Variants in CDC42BPB observed in about 807,000 individuals in gnomAD.
The protein encoded by CDC42BPB is serine/threonine-protein kinase MRCK beta.
Under a neutral mutation model 214.9 loss-of-function variants are expected in CDC42BPB, and 37 were observed. That is an observed-to-expected ratio of 0.17 (90% CI 0.13 to 0.23). CDC42BPB has a LOEUF of 0.23. Ranked by LOEUF, CDC42BPB falls within the 10% of genes least tolerant of loss-of-function variation. CDC42BPB has a pLI of 1.00. For synonymous variants in CDC42BPB, 931 were observed against 884.0 expected, an observed-to-expected ratio of 1.05 and a Z score of -0.94; for missense variants, 1,694 against 2,227.0, an observed-to-expected ratio of 0.76 and a Z score of 4.82.
chr14:103,035,610 G>A (rs562380594), intron 1 of CDC42BPB, among the ~76,000 whole-genome samples: 5 of 152,186 alleles, frequency 3.3e-5, no homozygotes, highest in South Asian at 2.1e-4. Context: ...GGAGGCCAAG[G>A]TGGGTGGATC....
At chr14:103,056,434 C>A (rs1295811833) in intron 1 of CDC42BPB, among the ~76,000 whole-genome samples, 1 of 152,120 alleles carries the variant, frequency 6.6e-6, no homozygotes, top group Non-Finnish European at 1.5e-5. Context: ...CCTGGGGATG[C>A]AAGGGGGTCC....
chr14:102,938,590 G>C (rs771199012), intron 34 of CDC42BPB, 179 bp from the exon 35 acceptor site: 16 of 978,638 alleles, frequency 1.6e-5, no homozygotes, highest in Non-Finnish European at 1.9e-5. Flanking sequence ...ACTGGCAATA[G>C]CAACTTCAGG....
chr14:102,974,346 G>A (rs1198525415), intron 11 of CDC42BPB, 197 bp from the exon 12 acceptor site: 4 of 983,068 alleles, frequency 4.1e-6, no homozygotes, highest in African/African-American at 3.6e-5. Flanking sequence ...CTACCTGCAT[G>A]CCTGTGCTGA....
intron 5 of CDC42BPB, among the ~76,000 whole-genome samples, chr14:102,999,292 G>A (rs879876328): frequency 9.3e-4 from 141 of 152,218 alleles, no homozygotes; most frequent in African/African-American, 1.8e-3. Context: ...GGTCTCAGAC[G>A]GGGAGAAGTT....
At chr14:103,036,964 C>CA (rs962700926) in intron 1 of CDC42BPB, among the ~76,000 whole-genome samples, 2 of 152,022 alleles carry the variant, frequency 1.3e-5, no homozygotes, top group Non-Finnish European at 2.9e-5. Context: ...CACAGGCCCA[C>CA]ACCACCACGT....
chr14:102,981,948 C>T (rs1021506025), intron 7 of CDC42BPB, among the ~76,000 whole-genome samples: 2 of 152,178 alleles, frequency 1.3e-5, no homozygotes, highest in African/African-American at 4.8e-5. Flanking sequence ...GGCCACACAC[C>T]CTCATGGTAG....
Position 102,966,394 on chromosome 14 carries a change from G to A in CDC42BPB, c.2472-7C>T, listed in dbSNP as rs758844492. 33 of 1,612,870 alleles carry A rather than the reference G, an allele frequency of 2.0e-5. No homozygotes were observed. The South Asian group carries it at 3.6e-4, about 18-fold the overall frequency. On this transcript the variant is annotated splice_polypyrimidine_tract_variant and splice_region_variant and intron_variant, in intron 17 of 36. Transcript: ENST00000361246. ...ATCTTTCTCGTCACTGACCCTGGAG[G>A]AGGGAACAGATGTTCTATCTCACGA... is the stretch of plus-strand genomic sequence containing the variant.
chr14:103,021,383 G>A (rs902461917), intron 1 of CDC42BPB, among the ~76,000 whole-genome samples: 2 of 151,456 alleles, frequency 1.3e-5, no homozygotes, highest in Admixed American at 6.6e-5. Context: ...GGAGAATGGC[G>A]TGAACCTGGG....
intron 24 of CDC42BPB, among the ~76,000 whole-genome samples, chr14:102,951,360 C>A (rs1317445330): frequency 6.6e-6 from 1 of 152,224 alleles, no homozygotes; most frequent in Non-Finnish European, 1.5e-5. Flanking sequence ...AGAGCCAGTG[C>A]GAGTCTGGGC....
At chr14:102,954,863 C>A (rs563785705) in intron 21 of CDC42BPB, 175 bp from the exon 22 acceptor site, 6 of 980,244 alleles carry the variant, frequency 6.1e-6, no homozygotes, top group Admixed American at 1.2e-4. Flanking sequence ...CTGCTCCACT[C>A]CCAGCTGGCC....
At position 103,021,398 on chromosome 14, in the gene CDC42BPB, G is replaced by A. The variant is rs181160112; in HGVS notation, c.176-9210C>T. On this transcript the variant is annotated intron_variant, in intron 1 of 36. Transcript: ENST00000361246. Reference sequence around the variant, plus strand: ...GGAGAATGGCGTGAACCTGGGAGGCGGAGCTTGCAGTGAGCTGAGATCGCG... The same window carrying A: ...GGAGAATGGCGTGAACCTGGGAGGCAGAGCTTGCAGTGAGCTGAGATCGCG... 7.6e-3 allele frequency among the ~76,000 whole-genome samples: 1,159 copies of A among 152,108 alleles called. 22 individuals are homozygous for A. The highest frequency in any genetic ancestry group is 0.027 in the African/African-American group (1,105 of 41,492).
intron 1 of CDC42BPB, among the ~76,000 whole-genome samples, chr14:103,026,642 T>G (rs2403110): frequency 0.11 from 16,941 of 151,980 alleles, 1,111 homozygotes; most frequent in African/African-American, 0.17. Flanking sequence ...GGTGGGCAGA[T>G]CACAAGGTCA....
intron 4 of CDC42BPB, among the ~76,000 whole-genome samples, chr14:103,002,136 C>T (rs1263185906): frequency 6.6e-6 from 1 of 152,172 alleles, no homozygotes; most frequent in Non-Finnish European, 1.5e-5. Flanking sequence ...GTTTCCATAT[C>T]GCTATGAGAG....
At chr14:102,938,533 A>G in intron 34 of CDC42BPB, 122 bp from the exon 35 acceptor site, 1 of 1,435,898 alleles carries the variant, frequency 7.0e-7, no homozygotes, top group Non-Finnish European at 9.1e-7. Context: ...GGGGGCCAAG[A>G]GGGCTCTCTG....
intron 3 of CDC42BPB, among the ~76,000 whole-genome samples, chr14:103,005,690 C>T (rs781774328): frequency 1.3e-5 from 2 of 151,666 alleles, no homozygotes; most frequent in African/African-American, 4.9e-5. Context: ...GAGTGAGACC[C>T]TGTCTCTAAA....
intron 6 of CDC42BPB, chr14:102,983,972 T>C (rs1450112246): frequency 2.4e-6 from 2 of 840,976 alleles, no homozygotes; most frequent in African/African-American, 3.7e-5. Flanking sequence ...GGAGAACCGC[T>C]TGAGCCCAGG....
At chr14:103,041,999 C>T in intron 1 of CDC42BPB, 1 of 318,228 alleles carries the variant, frequency 3.1e-6, no homozygotes, top group South Asian at 3.1e-5. Flanking sequence ...AAAGCCTTCG[C>T]TAGTCTCCAC....
chr14:102,984,820 A>C (rs1318603637), intron 6 of CDC42BPB, among the ~76,000 whole-genome samples: 1 of 152,216 alleles, frequency 6.6e-6, no homozygotes, highest in African/African-American at 2.4e-5. Context: ...GCAGCACCCC[A>C]GAGCCAGTGG....
At chr14:102,975,323 A>C (rs901687624) in intron 11 of CDC42BPB, among the ~76,000 whole-genome samples, 4 of 152,230 alleles carry the variant, frequency 2.6e-5, no homozygotes, top group African/African-American at 9.6e-5. Flanking sequence ...CAGGAGTTCG[A>C]GACCAGCCTG....
Sources: gnomAD v4.1 joint callset for allele counts (sites outside exome capture counted in the v4.1 genomes callset) on GRCh38, gnomAD v4.1.1 for gene constraint, MANE v1.5 for transcripts, NCBI Gene and HGNC (gene_info 2026-07-23, HGNC 2026-07-21) for gene names.